Variants in RPS6KA2 observed in about 807,000 individuals in gnomAD.
The protein encoded by RPS6KA2 is ribosomal protein S6 kinase A2, also known as ribosomal protein S6 kinase alpha-2.
RPS6KA2 carries 42 observed loss-of-function variants against 91.8 expected under a neutral mutation model. The observed-to-expected ratio is 0.46, with a 90% CI of 0.36 to 0.59. The LOEUF is 0.59. Among genes scored for constraint, RPS6KA2 ranks in the 20% least tolerant of loss-of-function variants. RPS6KA2 has a pLI of 0.00. For missense variants in RPS6KA2, 798 were observed against 978.5 expected (o/e 0.82, Z 2.46); for synonymous variants, 414 against 393.6 (o/e 1.05, Z -0.61).
At chr6:166,594,788 G>A (rs2128523080) in intron 1 of RPS6KA2, among the ~76,000 whole-genome samples, 1 of 152,258 alleles carries the variant, frequency 6.6e-6, no homozygotes, top group Non-Finnish European at 1.5e-5. Context: ...TCAAAGATCT[G>A]TCCTAAACTA....
At chr6:166,564,979 T>G (rs550576927) in intron 1 of RPS6KA2, among the ~76,000 whole-genome samples, 9 of 152,310 alleles carry the variant, frequency 5.9e-5, no homozygotes, top group African/African-American at 2.2e-4. Flanking sequence ...ATGGTCATTT[T>G]AATTACCCTT....
intron 8 of RPS6KA2, among the ~76,000 whole-genome samples, chr6:166,496,373 T>G (rs372483419): frequency 3.0e-5 from 4 of 132,920 alleles, no homozygotes; most frequent in Non-Finnish European, 6.5e-5. Flanking sequence ...AATTAAAAAA[T>G]AAAAAGAAAA....
chr6:166,791,267 A>T (rs1446810112), intron 2 of RPS6KA2, among the ~76,000 whole-genome samples: 1 of 152,234 alleles, frequency 6.6e-6, no homozygotes, highest in Non-Finnish European at 1.5e-5. Flanking sequence ...AGAGACAATG[A>T]AGGCCATTAC....
chr6:166,687,190 C>T (rs1789048613), intron 2 of RPS6KA2, among the ~76,000 whole-genome samples: 1 of 152,184 alleles, frequency 6.6e-6, no homozygotes, highest in Non-Finnish European at 1.5e-5. Context: ...CAGCAGCCAC[C>T]GCGGGCAGAG....
chr6:166,423,607 T>G lies in RPS6KA2; in HGVS notation c.1582-190A>C, dbSNP rs922865043. On this transcript the variant is annotated intron_variant, in intron 16 of 20. Transcript: ENST00000265678. The surrounding 1 kb of genome is among the most constrained non-coding windows in gnomAD (Gnocchi z 4.8). ...GGCCCCCCACCTTCTCCCATTCTCC[T>G]GTGGTGGTCACTCACTTCTGAGCTC... 7.2e-5 allele frequency among the ~76,000 whole-genome samples: 11 copies of G among 152,204 alleles called. No individual in the cohort carries two copies.
chr6:166,625,611 T>A (rs557760527), intron 1 of RPS6KA2, among the ~76,000 whole-genome samples: 24 of 152,210 alleles, frequency 1.6e-4, no homozygotes, highest in Non-Finnish European at 2.9e-4. Context: ...AAGACATGTA[T>A]CCGGATAAAG....
At chr6:166,458,945 A>G (rs1282700296) in intron 12 of RPS6KA2, among the ~76,000 whole-genome samples, 1 of 152,222 alleles carries the variant, frequency 6.6e-6, no homozygotes, top group Non-Finnish European at 1.5e-5. Context: ...GCTAGACCCC[A>G]AGAGTAATTT....
rs544325782 is a variant in RPS6KA2, at chr6:166,500,407, G to A, written c.604+480C>T. 6.6e-5 allele frequency among the ~76,000 whole-genome samples: 10 copies of A among 152,344 alleles called. No homozygotes were observed. The highest frequency in any genetic ancestry group is 2.0e-4 in the Admixed American group (3 of 15,312). ...AGATGGAAACAGGGAGGGAAGTCAC[G>A]TGGCCACCACCACGGTCCAGGGAGT... On this transcript the variant is annotated intron_variant, in intron 7 of 20. Coordinates refer to ENST00000265678, the MANE Select transcript of RPS6KA2 (RefSeq NM_021135.6). The surrounding 1 kb of genome is among the most constrained non-coding windows in gnomAD (Gnocchi z 4.3).
Position 166,541,510 on chromosome 6 carries a change from G to C in RPS6KA2, c.100-2726C>G, listed in dbSNP as rs140838059. The stretch of plus-strand genomic sequence containing the variant: ...CCTTTGTGGGACTAGGCTCTGAAGC[G>C]AGAGTGACAGCATCCGGGCTACTTG... On this transcript the variant is annotated intron_variant, in intron 1 of 20. Transcript: ENST00000265678. Among the ~76,000 whole-genome samples, 984 of 152,282 alleles carry C rather than the reference G, an allele frequency of 6.5e-3. 10 individuals carry two copies. The highest frequency in any genetic ancestry group is 0.023 in the African/African-American group (937 of 41,544).
In RPS6KA2 at chr6:166,444,564, T is replaced by C. The variant is rs779773414; in HGVS notation, c.1332+4160A>G. ...CATAATAGCTTTTCTCATTCAACCA[T>C]CAGAGCACTGGCTGGGGGCACCGGC... On this transcript the variant is annotated intron_variant, in intron 14 of 20. Coordinates refer to ENST00000265678, the MANE Select transcript of RPS6KA2 (RefSeq NM_021135.6). 1.4e-4 allele frequency among the ~76,000 whole-genome samples: 21 copies of C among 152,362 alleles called. 1 individual carries two copies. Among genetic ancestry groups the C allele is most frequent in the South Asian group, 6.2e-4 (3 of 4,834 alleles).
chr6:166,430,359 C>T (rs547997131), intron 16 of RPS6KA2, 94 bp downstream of exon 16: 26 of 1,108,476 alleles, frequency 2.3e-5, no homozygotes, highest in Admixed American at 4.6e-5. Context: ...GGACAATCCG[C>T]GTTCTCAGCT....
intron 2 of RPS6KA2, among the ~76,000 whole-genome samples, chr6:166,668,258 A>G (rs1429932682): frequency 2.6e-5 from 4 of 152,138 alleles, no homozygotes; most frequent in Non-Finnish European, 4.4e-5. Flanking sequence ...TGAAGTCCCA[A>G]ATCCAAGCCC....
intron 2 of RPS6KA2, among the ~76,000 whole-genome samples, chr6:166,682,068 G>A (rs1238381654): frequency 6.6e-6 from 1 of 152,220 alleles, no homozygotes; most frequent in African/African-American, 2.4e-5. Flanking sequence ...GTAGAGTTCT[G>A]AGGGTTTTGA....
intron 2 of RPS6KA2, among the ~76,000 whole-genome samples, chr6:166,765,027 G>GTCTC (rs1778273979): frequency 6.6e-6 from 1 of 152,210 alleles, no homozygotes; most frequent in South Asian, 2.1e-4. Flanking sequence ...CCCCGCCTGG[G>GTCTC]TCTCTCAGCT....
At chr6:166,686,654 G>A (rs778595011) in intron 2 of RPS6KA2, among the ~76,000 whole-genome samples, 4 of 152,106 alleles carry the variant, frequency 2.6e-5, no homozygotes, top group South Asian at 2.1e-4. Flanking sequence ...CAGCCTCCTG[G>A]CTTCCTCTGG....
At chr6:166,599,428 A>T (rs1785652611) in intron 1 of RPS6KA2, among the ~76,000 whole-genome samples, 2 of 152,228 alleles carry the variant, frequency 1.3e-5, no homozygotes, top group Admixed American at 1.3e-4. Flanking sequence ...AGAAATGATG[A>T]CTGGCAGATT....
chr6:166,766,823 C>T (rs141825018), intron 2 of RPS6KA2, among the ~76,000 whole-genome samples: 612 of 152,332 alleles, frequency 4.0e-3, no homozygotes, highest in Non-Finnish European at 6.3e-3. Flanking sequence ...ACAGAGGTTG[C>T]GAGGTGCTCC....
chr6:166,853,753 G>T (rs1377619174), intron 2 of RPS6KA2, among the ~76,000 whole-genome samples: 2 of 152,254 alleles, frequency 1.3e-5, no homozygotes, highest in Admixed American at 6.5e-5. Context: ...CAACAAGTCC[G>T]CCCAGTTAGG....
At chr6:166,566,789 A>G (rs753057942) in intron 1 of RPS6KA2, among the ~76,000 whole-genome samples, 1 of 151,748 alleles carries the variant, frequency 6.6e-6, no homozygotes, top group Admixed American at 6.6e-5. Context: ...TGACAGCCCC[A>G]CTCCTGCACC....
Sources: gnomAD v4.1 joint callset for allele counts (sites outside exome capture counted in the v4.1 genomes callset) on GRCh38, gnomAD v4.1.1 for gene constraint, Gnocchi (gnomAD v3.1) non-coding constraint, MANE v1.5 for transcripts, NCBI Gene and HGNC (gene_info 2026-07-23, HGNC 2026-07-21) for gene names.